SNTG1: variants seen among roughly 807,000 people sequenced by gnomAD.
SNTG1 encodes gamma-1-syntrophin.
In SNTG1, 39 loss-of-function variants were observed where a neutral mutation model predicts 74.7. The observed-to-expected ratio is 0.52, with a 90% CI of 0.40 to 0.68. SNTG1 has a LOEUF of 0.68. Ranked by LOEUF, SNTG1 falls within the 30% of genes least tolerant of loss-of-function variation. The pLI, the probability that SNTG1 is intolerant of heterozygous loss-of-function variation, is 0.00. For synonymous variants in SNTG1, 254 were observed against 217.1 expected, an observed-to-expected ratio of 1.17 and a Z score of -1.49; for missense variants, 685 against 609.5, an observed-to-expected ratio of 1.12 and a Z score of -1.30.
At chr8:49,970,670 C>G (rs920470011) in intron 1 of SNTG1, among the ~76,000 whole-genome samples, 3 of 152,186 alleles carry the variant, frequency 2.0e-5, no homozygotes, top group African/African-American at 7.2e-5. Context: ...TTACGTAGCT[C>G]TAATTCGCAT....
intron 1 of SNTG1, among the ~76,000 whole-genome samples, chr8:49,928,331 A>C (rs1209461673): frequency 1.3e-5 from 2 of 150,718 alleles, no homozygotes; most frequent in African/African-American, 4.9e-5. Context: ...CCTGGGTTCA[A>C]GCGATTCTCC....
chr8:50,479,020 G>A (rs2093718614), intron 8 of SNTG1, among the ~76,000 whole-genome samples: 1 of 151,970 alleles, frequency 6.6e-6, no homozygotes, highest in Non-Finnish European at 1.5e-5. Context: ...TCATAAAACT[G>A]CTAGATAGAT....
rs2094030171 is a variant in SNTG1, at chr8:50,508,424, GGGT to G, written c.466+5545_466+5547del. On this transcript the variant is annotated intron_variant, in intron 9 of 18. Transcript: ENST00000642720. ...ATAGCAGCATGACTTATAATCCTTTGGGTATATACCCAGTAATGGGATTGCTGG... is the reference window on the plus strand; with the variant it reads ...ATAGCAGCATGACTTATAATCCTTTGATATACCCAGTAATGGGATTGCTGG... Among the ~76,000 whole-genome samples the G allele has an allele frequency of 2.0e-5, 3 of 152,110 alleles. No homozygotes were observed. The South Asian group carries it at 6.2e-4, about 32-fold the overall frequency.
intron 1 of SNTG1, among the ~76,000 whole-genome samples, chr8:49,954,056 C>A (rs1311361982): frequency 2.0e-5 from 3 of 152,084 alleles, no homozygotes; most frequent in Non-Finnish European, 4.4e-5. Flanking sequence ...CTGTTACAAT[C>A]AAATTGTAGA....
intron 1 of SNTG1, among the ~76,000 whole-genome samples, chr8:49,953,890 A>G (rs945552569): frequency 6.6e-6 from 1 of 152,218 alleles, no homozygotes; most frequent in African/African-American, 2.4e-5. Flanking sequence ...AAATTATTTT[A>G]TGTAGTAATT....
chr8:50,292,310 A>T (rs1435837572), intron 2 of SNTG1, among the ~76,000 whole-genome samples: 2 of 152,076 alleles, frequency 1.3e-5, no homozygotes, highest in Non-Finnish European at 2.9e-5. Flanking sequence ...CAGTTTGGGT[A>T]AGATATGGAA....
chr8:50,500,700 T>G (rs1022290242), intron 8 of SNTG1, among the ~76,000 whole-genome samples: 1 of 152,284 alleles, frequency 6.6e-6, no homozygotes, highest in African/African-American at 2.4e-5. Context: ...AGCTCACGGG[T>G]TTGTGGTCCA....
At chr8:50,284,742 T>C (rs545306760) in intron 2 of SNTG1, among the ~76,000 whole-genome samples, 22 of 152,268 alleles carry the variant, frequency 1.4e-4, no homozygotes, top group African/African-American at 5.1e-4. Context: ...AACATAAATG[T>C]ATTTATTACC....
At chr8:49,971,903 G>T (rs535167252) in intron 1 of SNTG1, among the ~76,000 whole-genome samples, 28 of 152,248 alleles carry the variant, frequency 1.8e-4, no homozygotes, top group Admixed American at 1.3e-3. Context: ...ATGCTCATGG[G>T]TAGGAAGAAT....
Position 50,770,281 on chromosome 8 carries a change from T to C in SNTG1, c.1395+18170T>C, listed in dbSNP as rs1326641506. ...GGCAATGAGAAAATATTCATAATTA[T>C]CAGAATCAATGTTATTCAGAATTGT... On this transcript the variant is annotated intron_variant, in intron 18 of 18. Transcript: ENST00000642720. 2.0e-5 allele frequency among the ~76,000 whole-genome samples: 3 copies of C among 152,238 alleles called. 1 individual carries two copies. The South Asian group carries it at 6.2e-4, about 32-fold the overall frequency.
intron 11 of SNTG1, among the ~76,000 whole-genome samples, chr8:50,539,169 CATT>C (rs1240863219): frequency 1.3e-5 from 2 of 152,158 alleles, no homozygotes; most frequent in East Asian, 1.9e-4. Flanking sequence ...TTGTTAGTAT[CATT>C]AATTCTTTTC....
intron 15 of SNTG1, among the ~76,000 whole-genome samples, chr8:50,694,596 T>C (rs1241266644): frequency 2.0e-5 from 3 of 152,146 alleles, no homozygotes; most frequent in South Asian, 2.1e-4. Context: ...AGGATAACAT[T>C]ACCCTGATAC....
chr8:50,324,928 GCAT>G (rs2090676034), intron 2 of SNTG1, among the ~76,000 whole-genome samples: 2 of 117,914 alleles, frequency 1.7e-5, no homozygotes, highest in South Asian at 3.2e-4. Flanking sequence ...GTGTGTGTGT[GCAT>G]TTTATACATA....
At position 50,325,798 on chromosome 8, in the gene SNTG1, A is replaced by G. The variant is rs180743396; in HGVS notation, c.-27-68414A>G. On this transcript the variant is annotated intron_variant, in intron 2 of 18. Coordinates refer to ENST00000642720, the MANE Select transcript of SNTG1 (RefSeq NM_018967.5). ...TTTAAAAGGAATGGTGATAGGAAACATCTTTGCCTTGTTCCTGATCTCAGT... is the reference window on the plus strand; with the variant it reads ...TTTAAAAGGAATGGTGATAGGAAACGTCTTTGCCTTGTTCCTGATCTCAGT... Among the ~76,000 whole-genome samples, 3 of 152,188 alleles carry G rather than the reference A, an allele frequency of 2.0e-5. No individual in the cohort carries two copies. The East Asian group carries it at 5.8e-4, about 29-fold the overall frequency.
intron 1 of SNTG1, among the ~76,000 whole-genome samples, chr8:49,988,656 G>A (rs1170900704): frequency 6.6e-6 from 1 of 151,972 alleles, no homozygotes; most frequent in Non-Finnish European, 1.5e-5. Context: ...AAATTTAATA[G>A]AACTTTAGAG....
At chr8:50,520,538 A>T (rs1003991466) in intron 9 of SNTG1, among the ~76,000 whole-genome samples, 11 of 150,788 alleles carry the variant, frequency 7.3e-5, no homozygotes, top group Admixed American at 6.6e-5. Context: ...GCAAAGGCTG[A>T]TATCCAGAAT....
chr8:50,651,185 T>A (rs1585961608), intron 13 of SNTG1, among the ~76,000 whole-genome samples: 1 of 152,268 alleles, frequency 6.6e-6, no homozygotes, highest in South Asian at 2.1e-4. Context: ...TATTTGTATT[T>A]TTTTTCTATT....
At chr8:50,059,403 A>G (rs930236356) in intron 1 of SNTG1, among the ~76,000 whole-genome samples, 6 of 152,074 alleles carry the variant, frequency 3.9e-5, no homozygotes, top group African/African-American at 1.2e-4. Flanking sequence ...GGCTTTTAGT[A>G]TATCTACAGA....
chr8:50,443,753 A>T (rs1472262891), intron 5 of SNTG1, among the ~76,000 whole-genome samples: 1 of 152,202 alleles, frequency 6.6e-6, no homozygotes, highest in African/African-American at 2.4e-5. Context: ...TAGAACTATA[A>T]AACCTGAAAT....
Sources: allele counts gnomAD v4.1 joint callset (sites outside exome capture counted in the v4.1 genomes callset), GRCh38; gene constraint gnomAD v4.1.1; transcripts MANE v1.5; gene names NCBI Gene and HGNC (gene_info 2026-07-23, HGNC 2026-07-21).